The following EPHX1 variants were observed in gnomAD, a reference collection of about 807,000 sequenced individuals.
The protein encoded by EPHX1 is epoxide hydratase.
Under a neutral mutation model 43.2 loss-of-function variants are expected in EPHX1, and 40 were observed. That is an observed-to-expected ratio of 0.93 (90% CI 0.72 to 1.21). EPHX1 has a LOEUF of 1.21. EPHX1 is among the 50% of genes most tolerant of loss of function. The probability of loss-of-function intolerance (pLI) is 0.00; values close to 1 mark genes in which losing one functional copy is unlikely to be tolerated. For synonymous variants in EPHX1, 221 were observed against 226.7 expected (o/e 0.98, Z 0.22); for missense variants, 550 against 570.4 (o/e 0.96, Z 0.36).
intron 7 of EPHX1, 100 bp from the exon 8 acceptor site, chr1:225,844,378 TGAGGTCTGAGGAGGGAAGCC>T: frequency 6.7e-7 from 1 of 1,484,992 alleles, no homozygotes; most frequent in Non-Finnish European, 9.4e-7. Context: ...ACACGTTGCA[TGAGGTCTGAGGAGGGAAGCC>T]GCATGGGCAG....
chr1:225,844,265 G>A (rs1276260806), intron 7 of EPHX1, among the ~76,000 whole-genome samples: 1 of 152,028 alleles, frequency 6.6e-6, no homozygotes, highest in South Asian at 2.1e-4. Flanking sequence ...GAGGCAAGGT[G>A]GGTGGGGGGA....
intron 2 of EPHX1, among the ~76,000 whole-genome samples, chr1:225,830,755 G>A (rs763262124): frequency 1.2e-4 from 19 of 152,248 alleles, no homozygotes; most frequent in Middle Eastern, 3.4e-3. Context: ...GTGAACCACC[G>A]TGCTGGGCCT....
At chr1:225,818,083 GTGCCTCA>G (rs1044615413) in intron 1 of EPHX1, among the ~76,000 whole-genome samples, 58 of 152,282 alleles carry the variant, frequency 3.8e-4, no homozygotes, top group African/African-American at 1.3e-3. Context: ...GGGCGTTATA[GTGCCTCA>G]TGCCACCTAC....
At chr1:225,816,118 C>A (rs537740552) in intron 1 of EPHX1, among the ~76,000 whole-genome samples, 1 of 152,206 alleles carries the variant, frequency 6.6e-6, no homozygotes, top group Admixed American at 6.5e-5. Context: ...GGCGAAACCC[C>A]TTTCCTACTA....
chr1:225,823,391 T>C (rs1667071364), intron 1 of EPHX1, among the ~76,000 whole-genome samples: 1 of 152,114 alleles, frequency 6.6e-6, no homozygotes, highest in South Asian at 2.1e-4. Flanking sequence ...GTTGTCAGAG[T>C]TGCTGTTTTG....
intron 1 of EPHX1, among the ~76,000 whole-genome samples, chr1:225,826,844 G>A (rs368184768): frequency 6.6e-6 from 1 of 152,206 alleles, no homozygotes; most frequent in East Asian, 1.9e-4. Context: ...GATGGCATGA[G>A]GACTTGGTGA....
Position 225,845,300 on chromosome 1 carries a change from C to A in EPHX1, c.1321C>A (p.Leu441Ile). The A allele has an allele frequency of 6.2e-7, 1 of 1,612,562 alleles. No individual in the cohort carries two copies. Among genetic ancestry groups the A allele is most frequent in the Non-Finnish European group, 8.5e-7 (1 of 1,180,010 alleles). Reference sequence around the variant, plus strand: ...TGCGGCCTTTGAGGAGCCGGAGCTGCTCGCCCAGGACATCCGCAAGTTCCT... The same window carrying A: ...TGCGGCCTTTGAGGAGCCGGAGCTGATCGCCCAGGACATCCGCAAGTTCCT... ...HFAAFEEPEL[L>I]AQDIRKFLSV... Residue 441 changes from leucine (L) to isoleucine (I), a missense_variant, in exon 9 of 9, where the codon CTC becomes ATC. Coordinates refer to ENST00000272167, the MANE Select transcript of EPHX1 (RefSeq NM_001136018.4).
intron 7 of EPHX1, 131 bp downstream of exon 7, chr1:225,842,605 T>C: frequency 1.3e-6 from 1 of 782,574 alleles, no homozygotes; most frequent in Non-Finnish European, 2.3e-6. Flanking sequence ...TTCTTACAAA[T>C]CCTCACCCTG....
intron 3 of EPHX1, among the ~76,000 whole-genome samples, chr1:225,837,095 ATT>A (rs369115039): frequency 0.015 from 2,239 of 152,294 alleles, 65 homozygotes; most frequent in African/African-American, 0.051. Context: ...AGTTTTCTGG[ATT>A]CTTTGCAGTT....
At chr1:225,844,774 C>T (rs576076733) in intron 8 of EPHX1, 151 bp downstream of exon 8, 32 of 1,341,868 alleles carry the variant, frequency 2.4e-5, no homozygotes, top group Non-Finnish European at 3.0e-5. Context: ...CACTAAAGGT[C>T]GAGGTGTTTG....
intron 1 of EPHX1, among the ~76,000 whole-genome samples, chr1:225,812,433 C>G (rs748445707): frequency 1.4e-4 from 22 of 152,204 alleles, no homozygotes; most frequent in Non-Finnish European, 1.2e-4. Flanking sequence ...AATGAGGGCT[C>G]TGTGGGCAGA....
intron 4 of EPHX1, 100 bp from the exon 5 acceptor site, chr1:225,839,117 G>T: frequency 6.3e-7 from 1 of 1,579,280 alleles, no homozygotes; most frequent in Non-Finnish European, 8.6e-7. Context: ...ACCTCCACCT[G>T]GGGGTAGGCG....
intron 1 of EPHX1, among the ~76,000 whole-genome samples, chr1:225,826,778 GGGT>G (rs1479629760): frequency 1.3e-5 from 2 of 152,126 alleles, no homozygotes; most frequent in Non-Finnish European, 2.9e-5. Flanking sequence ...ATCACATGTG[GGGT>G]GATAAGGGCT....
At chr1:225,845,054 A>C in intron 8 of EPHX1, 92 bp from the exon 9 acceptor site, 1 of 1,365,796 alleles carries the variant, frequency 7.3e-7, no homozygotes, top group East Asian at 2.3e-5. Context: ...GGGCCAGCTG[A>C]TCTCACCCCC....
Position 225,839,272 on chromosome 1 carries a change from C to A in EPHX1, c.648C>A (p.Gly216=), listed in dbSNP as rs375238563. Residue 216 remains glycine (G), a synonymous_variant, in exon 5 of 9, where the codon GGC becomes GGA. Transcript: ENST00000272167. ...RIFYKLMLRL[G]FQEFYIQGGD... The stretch of plus-strand genomic sequence containing the variant: ...TTTACAAGCTGATGCTGCGGCTGGG[C>A]TTCCAGGAATTCTACATTCAAGGAG... The A allele has an allele frequency of 2.4e-5, 38 of 1,614,116 alleles. No individual in the cohort carries two copies. Among genetic ancestry groups the A allele is most frequent in the Non-Finnish European group, 3.1e-5 (37 of 1,180,016 alleles).
intron 3 of EPHX1, among the ~76,000 whole-genome samples, chr1:225,835,039 C>A (rs1393906743): frequency 1.3e-5 from 2 of 152,150 alleles, no homozygotes; most frequent in African/African-American, 4.8e-5. Context: ...TGAGGGAAGG[C>A]TTCCTGGAGG....
chr1:225,843,316 CAA>C lies in EPHX1; in HGVS notation c.1040+844_1040+845del, dbSNP rs200608096. Among the ~76,000 whole-genome samples, 1,128 of 152,126 alleles carry C rather than the reference CAA, an allele frequency of 7.4e-3. 7 individuals are homozygous for C. The highest frequency in any genetic ancestry group is 0.011 in the South Asian group (54 of 4,812). On this transcript the variant is annotated intron_variant, in intron 7 of 8. Transcript: ENST00000272167. ...GCTGGATGGAGGAGAGAAACTTAGGCAAAGAGAAAAGCAATAAAAATGCAAGG... is the reference window on the plus strand; with the variant it reads ...GCTGGATGGAGGAGAGAAACTTAGGCAGAGAAAAGCAATAAAAATGCAAGG...
intron 2 of EPHX1, among the ~76,000 whole-genome samples, chr1:225,830,584 C>T (rs1559020573): frequency 6.6e-6 from 1 of 152,200 alleles, no homozygotes; most frequent in Admixed American, 6.5e-5. Context: ...CCTGCCTCAG[C>T]CTCCCAAGTA....
chr1:225,839,687 GC>G (rs1380776153), intron 5 of EPHX1, 141 bp from the exon 6 acceptor site: 8 of 982,594 alleles, frequency 8.1e-6, no homozygotes, highest in Non-Finnish European at 1.3e-5. Context: ...AACTCCCATG[GC>G]CTCCCCAGTG....
Sources: gnomAD v4.1 joint callset for allele counts (sites outside exome capture counted in the v4.1 genomes callset) on GRCh38, gnomAD v4.1.1 for gene constraint, MANE v1.5 for transcripts, NCBI Gene and HGNC (gene_info 2026-07-23, HGNC 2026-07-21) for gene names.